Variants in CSRP1 observed in about 807,000 individuals in gnomAD.
The protein encoded by CSRP1 is cysteine and glycine rich protein 1, also known as cysteine and glycine-rich protein 1.
Under a neutral mutation model 25.4 loss-of-function variants are expected in CSRP1, and 16 were observed. The observed-to-expected ratio is 0.63, with a 90% CI of 0.43 to 0.96. The LOEUF is 0.96. CSRP1 is among the 40% of genes least tolerant of loss of function. The pLI, the probability that CSRP1 is intolerant of heterozygous loss-of-function variation, is 0.00. For missense variants in CSRP1, 212 were observed against 243.6 expected (o/e 0.87, Z 0.86); for synonymous variants, 97 against 95.3 (o/e 1.02, Z -0.10).
intron 1 of CSRP1, among the ~76,000 whole-genome samples, chr1:201,505,200 A>C (rs12087552): frequency 0.078 from 11,877 of 152,198 alleles, 1,427 homozygotes; most frequent in African/African-American, 0.26. Context: ...AACTATTTGC[A>C]AGGTTTATGA....
chr1:201,485,233 C>G, intron 5 of CSRP1, 50 bp downstream of exon 5: 1 of 1,544,964 alleles, frequency 6.5e-7, no homozygotes, highest in Middle Eastern at 1.7e-4. Flanking sequence ...TACTTAGCCC[C>G]CCTACCCCCT....
intron 1 of CSRP1, among the ~76,000 whole-genome samples, chr1:201,501,151 G>C (rs550149731): frequency 6.6e-6 from 1 of 152,260 alleles, no homozygotes; most frequent in East Asian, 1.9e-4. Context: ...GGAAGTGATG[G>C]CCAGCACACT....
intron 1 of CSRP1, among the ~76,000 whole-genome samples, chr1:201,505,514 T>C (rs3767528): frequency 3.7e-5 from 1 of 26,896 alleles, no homozygotes; most frequent in Non-Finnish European, 1.8e-4. Context: ...CTGCTTCTTC[T>C]TCCCCATACC....
At chr1:201,493,686 G>A (rs1664412677) in intron 2 of CSRP1, among the ~76,000 whole-genome samples, 1 of 152,186 alleles carries the variant, frequency 6.6e-6, no homozygotes, top group African/African-American at 2.4e-5. Flanking sequence ...GAACCCACAT[G>A]GTCACAACTG....
chr1:201,488,015 A>C (rs1254273503), intron 4 of CSRP1: 2 of 152,260 alleles, frequency 1.3e-5, no homozygotes, highest in Non-Finnish European at 1.5e-5. Context: ...AGGCCCAGAC[A>C]TTCCATAACC....
Position 201,486,043 on chromosome 1 carries a change from T to G in CSRP1, c.412-667A>C, listed in dbSNP as rs974314973. 2.6e-5 allele frequency: 4 copies of G among 152,320 alleles called. No homozygotes were observed. The East Asian group carries it at 7.7e-4, about 29-fold the overall frequency. 9.4% of individuals were successfully genotyped at this position (152,320 alleles called of 1,614,324 possible). A position where few individuals can be genotyped will look rare whatever the true frequency, so the allele number is the denominator to read the frequency against. Reference sequence around the variant, plus strand: ...CACAGCTACCCAGTGAGGGACATACTGCCACCCTCCCCTCCAATAGCTGAT... The same window carrying G: ...CACAGCTACCCAGTGAGGGACATACGGCCACCCTCCCCTCCAATAGCTGAT... On this transcript the variant is annotated intron_variant, in intron 4 of 5. Transcript: ENST00000340006.
Position 201,483,904 on chromosome 1 carries a change from C to T in CSRP1, c.*809G>A, listed in dbSNP as rs554895360. The T allele has an allele frequency of 2.9e-5, 19 of 647,302 alleles. No homozygotes were observed. The highest frequency in any genetic ancestry group is 2.5e-4 in the African/African-American group (14 of 56,480). 40.1% of individuals were successfully genotyped at this position (647,302 alleles called of 1,614,324 possible). ...GAGCCCTGGCCTGGGCTCTGCTGGC[C>T]GCAGCCTCAGGAGCCAGGGTTAAGG... On this transcript the variant is annotated 3_prime_UTR_variant, in exon 6 of 6. Transcript: ENST00000340006.
chr1:201,484,894 C>A (rs1664084369), intron 5 of CSRP1, 105 bp from the exon 6 acceptor site: 1 of 988,932 alleles, frequency 1.0e-6, no homozygotes, highest in Admixed American at 2.1e-5. Context: ...AGCCAGACTG[C>A]TAGGGAAGGA....
At position 201,485,273 on chromosome 1, in the gene CSRP1, A is replaced by C. The variant is rs1386213542; in HGVS notation, c.505+10T>G. ...CCTCCTGACCCTCAATTAGAAGTGA[A>C]AACACCCACCTTTGCAGTAAATCTC... is the stretch of plus-strand genomic sequence containing the variant. On this transcript the variant is annotated intron_variant, in intron 5 of 5. Coordinates refer to ENST00000340006, the MANE Select transcript of CSRP1 (RefSeq NM_004078.3). 2 of 1,613,962 alleles carry C rather than the reference A, an allele frequency of 1.2e-6. No homozygotes were observed. The highest frequency in any genetic ancestry group is 1.7e-6 in the Non-Finnish European group (2 of 1,179,888).
intron 1 of CSRP1, among the ~76,000 whole-genome samples, chr1:201,505,130 A>C (rs1193269826): frequency 3.3e-5 from 5 of 152,116 alleles, no homozygotes; most frequent in Non-Finnish European, 7.3e-5. Context: ...CCCAAAAAAA[A>C]CCTACGCCTT....
intron 4 of CSRP1, chr1:201,486,328 A>G (rs1313937422): frequency 1.0e-6 from 1 of 985,072 alleles, no homozygotes; most frequent in Non-Finnish European, 1.2e-6. Flanking sequence ...TAAGAGGCTG[A>G]TGTGTAGACA....
At chr1:201,501,650 A>C (rs1328231165) in intron 1 of CSRP1, among the ~76,000 whole-genome samples, 1 of 152,192 alleles carries the variant, frequency 6.6e-6, no homozygotes, top group Non-Finnish European at 1.5e-5. Context: ...CAGCAGCAGC[A>C]AAAGGAGAAG....
At chr1:201,490,540 C>T (rs754852431) in intron 2 of CSRP1, 196 bp from the exon 3 acceptor site, 5 of 549,180 alleles carry the variant, frequency 9.1e-6, no homozygotes, top group Non-Finnish European at 1.6e-5. Context: ...TCTGCATATC[C>T]GACTCTAGAA....
chr1:201,496,217 G>A lies in CSRP1; in HGVS notation c.87C>T (p.Ser29=), dbSNP rs773159072. The part of the protein sequence containing the change: ...FAEEVQCEGN[S]FHKSCFLCMV... ...TGCACAGGAAGCAGGATTTATGGAA[G>A]CTGTTGCCTTCGCACTGAACCTCTT... Residue 29 remains serine, a synonymous_variant, in exon 2 of 6, where the codon AGC becomes AGT. Coordinates refer to ENST00000340006, the MANE Select transcript of CSRP1 (RefSeq NM_004078.3). The A allele has an allele frequency of 1.2e-6, 2 of 1,614,164 alleles. No individual in the cohort carries two copies. Among genetic ancestry groups the A allele is most frequent in the South Asian group, 1.1e-5 (1 of 91,090 alleles).
At chr1:201,496,441 G>A in intron 1 of CSRP1, 137 bp from the exon 2 acceptor site, 2 of 710,402 alleles carry the variant, frequency 2.8e-6, no homozygotes, top group Non-Finnish European at 4.9e-6. Flanking sequence ...CACCAGGCCT[G>A]GCAGAGCACT....
intron 1 of CSRP1, among the ~76,000 whole-genome samples, chr1:201,503,190 G>A (rs907772106): frequency 1.3e-5 from 2 of 152,092 alleles, no homozygotes; most frequent in Admixed American, 6.6e-5. Context: ...AATGGAGGTC[G>A]ATGACTTCTT....
intron 1 of CSRP1, among the ~76,000 whole-genome samples, chr1:201,503,795 C>G (rs1664735868): frequency 6.6e-6 from 1 of 152,176 alleles, no homozygotes; most frequent in Non-Finnish European, 1.5e-5. Flanking sequence ...GCCCTCCCCT[C>G]AAGTTTTGCT....
chr1:201,503,241 A>G (rs959761278), intron 1 of CSRP1, among the ~76,000 whole-genome samples: 3 of 152,244 alleles, frequency 2.0e-5, no homozygotes, highest in African/African-American at 4.8e-5. Context: ...CTGTATTATA[A>G]TAAAGCCTCA....
Position 201,485,320 on chromosome 1 carries a change from G to A in CSRP1, c.468C>T (p.Thr156=), listed in dbSNP as rs1292714240. The A allele has an allele frequency of 6.2e-7, 1 of 1,614,074 alleles. No homozygotes were observed. The highest frequency in any genetic ancestry group is 8.5e-7 in the Non-Finnish European group (1 of 1,180,026). The change falls in exon 5 of 6, where the codon ACC becomes ACT. Residue 156 remains threonine (T), a synonymous_variant. Transcript: ENST00000340006. ...CAKCGKGLES[T]TLADKDGEIY... ...TCTCGCCATCCTTGTCTGCCAGGGT[G>A]GTTGACTCAAGGCCTTTGCCACACT...
Sources: gnomAD v4.1 joint callset for allele counts (sites outside exome capture counted in the v4.1 genomes callset) on GRCh38, gnomAD v4.1.1 for gene constraint, MANE v1.5 for transcripts, NCBI Gene and HGNC (gene_info 2026-07-23, HGNC 2026-07-21) for gene names.